The following TMCC1 variants were observed in gnomAD, a reference collection of about 807,000 sequenced individuals.
TMCC1 encodes the protein transmembrane and coiled-coil domains protein 1.
A neutral mutation model predicts 52.4 loss-of-function variants in TMCC1; 15 were observed. That is an observed-to-expected ratio of 0.29 (90% CI 0.19 to 0.44). The LOEUF is 0.44. Among genes scored for constraint, TMCC1 ranks in the 20% least tolerant of loss-of-function variants. TMCC1 has a pLI of 1.00. For synonymous variants in TMCC1, 279 were observed against 301.9 expected (o/e 0.92, Z 0.79); for missense variants, 503 against 806.0 (o/e 0.62, Z 4.55).
chr3:129,856,160 A>C (rs1022754511), intron 2 of TMCC1, among the ~76,000 whole-genome samples: 2 of 152,218 alleles, frequency 1.3e-5, no homozygotes, highest in African/African-American at 4.8e-5. Flanking sequence ...AAGTTTTAAA[A>C]AAATATTAGT....
intron 2 of TMCC1, chr3:129,846,943 T>G (rs540230346): frequency 4.2e-4 from 63 of 150,312 alleles, no homozygotes; most frequent in African/African-American, 1.5e-3. Flanking sequence ...CAGTGAGCTA[T>G]GATCACACCA....
At chr3:129,762,478 C>A (rs1471489706) in intron 4 of TMCC1, among the ~76,000 whole-genome samples, 1 of 152,172 alleles carries the variant, frequency 6.6e-6, no homozygotes, top group East Asian at 1.9e-4. Flanking sequence ...TTCCTCTTCT[C>A]ACTTTTTCTC....
chr3:129,753,766 C>T (rs1211617113), intron 4 of TMCC1, among the ~76,000 whole-genome samples: 1 of 152,132 alleles, frequency 6.6e-6, no homozygotes, highest in Admixed American at 6.6e-5. Context: ...AGAATGAATG[C>T]TTTCCCTTGA....
At chr3:129,837,695 C>A (rs574712251) in intron 2 of TMCC1, among the ~76,000 whole-genome samples, 1 of 152,028 alleles carries the variant, frequency 6.6e-6, no homozygotes, top group East Asian at 1.9e-4. Flanking sequence ...GCCAGACCCA[C>A]GTATGACATA....
At chr3:129,794,656 C>A (rs1180999748) in intron 4 of TMCC1, among the ~76,000 whole-genome samples, 13 of 152,108 alleles carry the variant, frequency 8.5e-5, no homozygotes, top group Admixed American at 7.9e-4. Context: ...ACAAGGACCA[C>A]CCCTTCCCTT....
intron 4 of TMCC1, among the ~76,000 whole-genome samples, chr3:129,751,752 G>C (rs577168579): frequency 4.4e-4 from 67 of 152,124 alleles, no homozygotes; most frequent in African/African-American, 1.6e-3. Context: ...GGAGACACAG[G>C]GTTTCACCAT....
intron 4 of TMCC1, among the ~76,000 whole-genome samples, chr3:129,728,992 T>C (rs753765185): frequency 3.9e-5 from 6 of 152,188 alleles, no homozygotes; most frequent in Non-Finnish European, 8.8e-5. Context: ...ATGGTTTCCA[T>C]TTTTTAGCAA....
intron 4 of TMCC1, among the ~76,000 whole-genome samples, chr3:129,777,568 A>G (rs1560396917): frequency 6.6e-6 from 1 of 152,218 alleles, no homozygotes; most frequent in Non-Finnish European, 1.5e-5. Flanking sequence ...ATCCCAGAGA[A>G]AGACAACATA....
At chr3:129,772,335 G>A (rs1443095433) in intron 4 of TMCC1, among the ~76,000 whole-genome samples, 1 of 151,384 alleles carries the variant, frequency 6.6e-6, no homozygotes, top group Non-Finnish European at 1.5e-5. Context: ...AGTGGAGAGT[G>A]TGTCTCAAAA....
At chr3:129,829,752 A>G (rs896957149) in intron 3 of TMCC1, among the ~76,000 whole-genome samples, 1 of 152,212 alleles carries the variant, frequency 6.6e-6, no homozygotes, top group African/African-American at 2.4e-5. Context: ...TGCTGCCACC[A>G]AGTGGCAATC....
At chr3:129,750,866 C>T (rs1273641311) in intron 4 of TMCC1, among the ~76,000 whole-genome samples, 2 of 150,788 alleles carry the variant, frequency 1.3e-5, no homozygotes, top group Middle Eastern at 3.4e-3. Context: ...TGAGCCACTG[C>T]GCCCAGCCAG....
chr3:129,888,359 T>C (rs1005910499), intron 1 of TMCC1, among the ~76,000 whole-genome samples: 8 of 152,190 alleles, frequency 5.3e-5, no homozygotes, highest in Admixed American at 1.3e-4. Context: ...TACACATATA[T>C]CTCCTTCCTC....
At chr3:129,718,327 C>T (rs1381443272) in intron 4 of TMCC1, among the ~76,000 whole-genome samples, 1 of 152,190 alleles carries the variant, frequency 6.6e-6, no homozygotes, top group Non-Finnish European at 1.5e-5. Flanking sequence ...TTCACAGCCA[C>T]CTCCAGTTGC....
intron 4 of TMCC1, among the ~76,000 whole-genome samples, chr3:129,739,418 C>T (rs1038071855): frequency 6.6e-6 from 1 of 152,162 alleles, no homozygotes; most frequent in Admixed American, 6.5e-5. Flanking sequence ...CCACCCGCCT[C>T]GGCCTCCCAA....
chr3:129,875,183 T>C (rs1560597291), intron 2 of TMCC1, among the ~76,000 whole-genome samples: 4 of 150,780 alleles, frequency 2.7e-5, no homozygotes, highest in African/African-American at 7.3e-5. Flanking sequence ...CAAGATTCCA[T>C]TGCTATTTAA....
intron 5 of TMCC1, among the ~76,000 whole-genome samples, chr3:129,658,066 A>G (rs2086784983): frequency 6.6e-6 from 1 of 152,206 alleles, no homozygotes; most frequent in Non-Finnish European, 1.5e-5. Context: ...TCAAGTATCA[A>G]TATTTTGTAT....
intron 5 of TMCC1, among the ~76,000 whole-genome samples, chr3:129,666,033 G>A (rs929300546): frequency 3.3e-5 from 5 of 152,040 alleles, no homozygotes; most frequent in Non-Finnish European, 5.9e-5. Context: ...AAACTAAAGC[G>A]TAGAAAAAAA....
chr3:129,789,632 A>C (rs1331833452), intron 4 of TMCC1, among the ~76,000 whole-genome samples: 2 of 152,030 alleles, frequency 1.3e-5, no homozygotes, highest in South Asian at 2.1e-4. Flanking sequence ...AGGCGCCTGC[A>C]ACCATGCCCG....
At chr3:129,819,770 T>A (rs770275213) in intron 4 of TMCC1, 2 of 152,100 alleles carry the variant, frequency 1.3e-5, no homozygotes, top group Non-Finnish European at 2.9e-5. Context: ...TGTGAATGAA[T>A]AACCCGGGGC....
Sources: allele counts gnomAD v4.1 joint callset (sites outside exome capture counted in the v4.1 genomes callset), GRCh38; gene constraint gnomAD v4.1.1; transcripts MANE v1.5; gene names NCBI Gene and HGNC (gene_info 2026-07-23, HGNC 2026-07-21).